The following PDE4B variants were observed in gnomAD, a reference collection of about 807,000 sequenced individuals.
PDE4B encodes the protein phosphodiesterase 4B.
Under a neutral mutation model 82.2 loss-of-function variants are expected in PDE4B, and 20 were observed. That is an observed-to-expected ratio of 0.24 (90% CI 0.17 to 0.35). The LOEUF is 0.35. Among genes scored for constraint, PDE4B ranks in the 10% least tolerant of loss-of-function variants. The pLI, the probability that PDE4B is intolerant of heterozygous loss-of-function variation, is 1.00. For missense variants in PDE4B, 655 were observed against 907.2 expected (o/e 0.72, Z 3.57); for synonymous variants, 320 against 318.9 (o/e 1.00, Z -0.04).
At chr1:65,852,322 AT>A (rs1646341296) in intron 1 of PDE4B, among the ~76,000 whole-genome samples, 3 of 152,028 alleles carry the variant, frequency 2.0e-5, no homozygotes, top group African/African-American at 7.2e-5. Context: ...GAATTATTCA[AT>A]AAAGCAATCC....
intron 9 of PDE4B, among the ~76,000 whole-genome samples, chr1:66,358,584 G>A (rs1381741239): frequency 6.7e-6 from 1 of 148,342 alleles, no homozygotes; most frequent in Non-Finnish European, 1.5e-5. Context: ...TGAGGCAGGA[G>A]AATCACTTGA....
chr1:65,994,001 A>G (rs533501956), intron 3 of PDE4B, among the ~76,000 whole-genome samples: 21 of 152,196 alleles, frequency 1.4e-4, no homozygotes, highest in African/African-American at 4.6e-4. Context: ...TTTGGAGGCT[A>G]TATTTTCTTT....
chr1:65,834,942 T>A (rs902370175), intron 1 of PDE4B, among the ~76,000 whole-genome samples: 12 of 152,292 alleles, frequency 7.9e-5, no homozygotes, highest in African/African-American at 1.9e-4. Context: ...CCTGGAGAAC[T>A]GCTTGTTAAA....
intron 1 of PDE4B, among the ~76,000 whole-genome samples, chr1:65,797,193 A>C (rs1052692645): frequency 3.9e-5 from 6 of 152,070 alleles, no homozygotes; most frequent in African/African-American, 7.2e-5. Flanking sequence ...TGACCTCGTG[A>C]TCCACCTGCC....
Position 65,920,959 on chromosome 1 carries a change from C to CTTTTTTT in PDE4B, c.281+2145_281+2151dup, listed in dbSNP as rs71058435. On this transcript the variant is annotated intron_variant, in intron 3 of 16. Coordinates refer to ENST00000341517, the MANE Select transcript of PDE4B (RefSeq NM_002600.4). ...AAAACATAAGTAACTAAAAGCATTT[C>CTTTTTTT]TTTTTTTTTTTTTTTTTTTTTTTTT... 3.7e-4 allele frequency among the ~76,000 whole-genome samples: 25 copies of CTTTTTTT among 68,180 alleles called. 2 individuals are homozygous for CTTTTTTT. Among genetic ancestry groups the CTTTTTTT allele is most frequent in the Non-Finnish European group, 6.5e-4 (23 of 35,180 alleles). 44.7% of individuals were successfully genotyped at this position (68,180 alleles called of 152,430 possible). A position where few individuals can be genotyped will look rare whatever the true frequency, so the allele number is the denominator to read the frequency against.
At chr1:65,890,173 C>T (rs984543498) in intron 1 of PDE4B, among the ~76,000 whole-genome samples, 1 of 145,424 alleles carries the variant, frequency 6.9e-6, no homozygotes, top group Non-Finnish European at 1.5e-5. Context: ...CTAGCATTAT[C>T]TTTGCTTATT....
chr1:65,833,986 A>G (rs1483645250), intron 1 of PDE4B, among the ~76,000 whole-genome samples: 2 of 152,176 alleles, frequency 1.3e-5, no homozygotes, highest in Non-Finnish European at 2.9e-5. Context: ...ATATTATATA[A>G]TGATGTGCTA....
chr1:66,074,922 G>T (rs968940417), intron 3 of PDE4B, among the ~76,000 whole-genome samples: 10 of 151,992 alleles, frequency 6.6e-5, no homozygotes, highest in Non-Finnish European at 1.3e-4. Context: ...TTTGGCTATC[G>T]TGAATAGTTG....
chr1:65,910,591 GT>G (rs1647078906), intron 1 of PDE4B, among the ~76,000 whole-genome samples: 1 of 152,146 alleles, frequency 6.6e-6, no homozygotes, highest in Non-Finnish European at 1.5e-5. Context: ...TATGGGCAGG[GT>G]TGAGGATAAA....
At chr1:66,178,954 T>A (rs888034281) in intron 3 of PDE4B, among the ~76,000 whole-genome samples, 1 of 152,072 alleles carries the variant, frequency 6.6e-6, no homozygotes, top group Non-Finnish European at 1.5e-5. Context: ...GGGTTCAAGC[T>A]ATTCTCCTGC....
At chr1:66,090,220 A>G (rs1644984796) in intron 3 of PDE4B, among the ~76,000 whole-genome samples, 1 of 152,026 alleles carries the variant, frequency 6.6e-6, no homozygotes, top group Non-Finnish European at 1.5e-5. Flanking sequence ...AGAAAGGATT[A>G]CCTTCAGAGG....
At chr1:66,136,283 C>T (rs1646053325) in intron 3 of PDE4B, among the ~76,000 whole-genome samples, 1 of 152,156 alleles carries the variant, frequency 6.6e-6, no homozygotes, top group African/African-American at 2.4e-5. Flanking sequence ...GGGCTTCAAC[C>T]AAAACCAAAG....
chr1:66,117,918 G>T lies in PDE4B; in HGVS notation c.282-129542G>T, dbSNP rs533687589. ...TCCACAATGGTTGAACTAGTTTACA[G>T]TCCCACCAACAGTGTAAAAGTGTTC... On this transcript the variant is annotated intron_variant, in intron 3 of 16. Transcript: ENST00000341517. 6.6e-5 allele frequency among the ~76,000 whole-genome samples: 10 copies of T among 152,280 alleles called. No homozygotes were observed. The East Asian group carries it at 1.7e-3, about 26-fold the overall frequency.
At chr1:66,280,018 A>G (rs139820987) in intron 7 of PDE4B, among the ~76,000 whole-genome samples, 1 of 152,358 alleles carries the variant, frequency 6.6e-6, no homozygotes, top group Non-Finnish European at 1.5e-5. Context: ...CTAATTATCA[A>G]GGACCCATCA....
intron 3 of PDE4B, among the ~76,000 whole-genome samples, chr1:66,052,832 T>C (rs1467842852): frequency 6.6e-6 from 1 of 152,144 alleles, no homozygotes; most frequent in South Asian, 2.1e-4. Flanking sequence ...AAGTGAATGT[T>C]ACCCAGGTTT....
chr1:66,159,541 A>G (rs951741293), intron 3 of PDE4B, among the ~76,000 whole-genome samples: 1 of 152,040 alleles, frequency 6.6e-6, no homozygotes, highest in African/African-American at 2.4e-5. Context: ...ACACCTGGCC[A>G]AAATAAAACT....
chr1:65,842,766 A>C (rs768245278), intron 1 of PDE4B, among the ~76,000 whole-genome samples: 29 of 152,222 alleles, frequency 1.9e-4, no homozygotes, highest in Non-Finnish European at 3.8e-4. Context: ...AAATGCTCAC[A>C]GTCATCATAT....
intron 1 of PDE4B, among the ~76,000 whole-genome samples, chr1:65,906,270 G>A (rs998553738): frequency 3.3e-5 from 5 of 151,916 alleles, no homozygotes; most frequent in East Asian, 1.9e-4. Context: ...TTTAGGAGAC[G>A]GAAAAAATTC....
intron 3 of PDE4B, among the ~76,000 whole-genome samples, chr1:66,126,407 G>A (rs187810029): frequency 6.2e-4 from 94 of 152,174 alleles, no homozygotes; most frequent in Non-Finnish European, 1.1e-3. Flanking sequence ...TTTACTCTAT[G>A]TACCCCCCTA....
Sources: gnomAD v4.1 joint callset for allele counts (sites outside exome capture counted in the v4.1 genomes callset) on GRCh38, gnomAD v4.1.1 for gene constraint, MANE v1.5 for transcripts, NCBI Gene and HGNC (gene_info 2026-07-23, HGNC 2026-07-21) for gene names.